The following RWDD2B variants were observed in gnomAD, a reference collection of about 807,000 sequenced individuals.
RWDD2B encodes the protein RWD domain-containing protein 2B.
In RWDD2B, 36 loss-of-function variants were observed where a neutral mutation model predicts 33.6. The observed-to-expected ratio is 1.07, with a 90% CI of 0.82 to 1.42. The LOEUF is 1.42. Among genes scored for constraint, RWDD2B ranks in the 40% most tolerant of loss-of-function variants. The pLI, the probability that RWDD2B is intolerant of heterozygous loss-of-function variation, is 0.00. For synonymous variants in RWDD2B, 126 were observed against 133.1 expected (o/e 0.95, Z 0.37); for missense variants, 364 against 377.5 (o/e 0.96, Z 0.30).
At chr21:29,019,348 CGGA>C (rs1483106488) in exon 1 of RWDD2B, 91 of 1,034,700 alleles carry the variant, frequency 8.8e-5, 1 homozygote, top group Non-Finnish European at 3.7e-5. Flanking sequence ...GGCGACCTAC[CGGA>C]AAAAAAAAAA....
intron 1 of RWDD2B, among the ~76,000 whole-genome samples, chr21:29,010,856 G>A (rs1338183505): frequency 2.6e-5 from 4 of 152,056 alleles, no homozygotes; most frequent in African/African-American, 7.2e-5. Context: ...TTTTGGTGGA[G>A]ACGGGGTTTC....
At chr21:29,007,696 A>G in intron 4 of RWDD2B, 65 bp downstream of exon 4, 1 of 1,534,570 alleles carries the variant, frequency 6.5e-7, no homozygotes, top group Non-Finnish European at 8.8e-7. Context: ...TAGGCAGCAC[A>G]TGACTGTATC....
chr21:29,010,721 G>C (rs375032636), intron 1 of RWDD2B, among the ~76,000 whole-genome samples: 1 of 150,898 alleles, frequency 6.6e-6, no homozygotes, highest in Non-Finnish European at 1.5e-5. Flanking sequence ...ATTCCGAGCC[G>C]AAGCTGGACG....
At chr21:29,009,351 C>G (rs9975270) in intron 1 of RWDD2B, among the ~76,000 whole-genome samples, 2 of 150,748 alleles carry the variant, frequency 1.3e-5, no homozygotes, top group African/African-American at 4.9e-5. Flanking sequence ...TCCCAAAGTG[C>G]TAGCATTACA....
At chr21:29,006,690 A>G in intron 4 of RWDD2B, 39 bp from the exon 5 acceptor site, 2 of 1,200,526 alleles carry the variant, frequency 1.7e-6, no homozygotes, top group Non-Finnish European at 2.4e-6. Flanking sequence ...TTCAAAATGT[A>G]TATTCTAGAG....
chr21:29,016,144 AT>A (rs1479994520), intron 1 of RWDD2B, among the ~76,000 whole-genome samples: 5 of 152,188 alleles, frequency 3.3e-5, no homozygotes, highest in African/African-American at 4.8e-5. Flanking sequence ...ATTAACATAT[AT>A]TTATTAATAT....
In RWDD2B at chr21:29,007,855, T is replaced by C; in HGVS notation, c.631A>G (p.Lys211Glu). The C allele has an allele frequency of 6.2e-7, 1 of 1,614,270 alleles. No homozygotes were observed. Among genetic ancestry groups the C allele is most frequent in the East Asian group, 2.2e-5 (1 of 44,890 alleles). The stretch of plus-strand genomic sequence containing the variant: ...CTAAACCCAGACAGGGAAAGCTCCT[T>C]TGCCCACTCTAGAATATTCTTTCTT... ...CKRKNILEWA[K>E]ELSLSGFSMP... Residue 211 changes from lysine to glutamate, a missense_variant, in exon 4 of 5, where the codon AAG becomes GAG. Lys to Glu is a moderately conservative substitution (Grantham distance 56). Coordinates refer to ENST00000493196, the MANE Select transcript of RWDD2B (RefSeq NM_016940.3).
At chr21:29,011,891 T>G (rs1601022131) in intron 1 of RWDD2B, among the ~76,000 whole-genome samples, 1 of 99,728 alleles carries the variant, frequency 1.0e-5, no homozygotes, top group Non-Finnish European at 2.1e-5. Flanking sequence ...GGGAGGGAGG[T>G]TGGGGGGTCA....
At chr21:29,012,150 C>T (rs1367684742) in intron 1 of RWDD2B, among the ~76,000 whole-genome samples, 1 of 128,436 alleles carries the variant, frequency 7.8e-6, no homozygotes, top group African/African-American at 3.1e-5. Flanking sequence ...CCAGCCGCCC[C>T]GTCCGGGAGG....
In RWDD2B at chr21:29,006,148, C is replaced by A. The variant is rs564143912; in HGVS notation, c.*269G>T. 3 of 276,320 alleles carry A rather than the reference C, an allele frequency of 1.1e-5. No individual in the cohort carries two copies. In the South Asian group the frequency reaches 2.1e-4, roughly 19 times the overall value. The allele number at this position is 276,320 out of a possible 1,614,324, so 17.1% of individuals were successfully genotyped here. On this transcript the variant is annotated 3_prime_UTR_variant, in exon 5 of 5. Transcript: ENST00000493196. ...CTGGCAAATTGGAGCACCAACATTA[C>A]CTTTATGGATAATTTCTTTTTCAAA...
intron 1 of RWDD2B, among the ~76,000 whole-genome samples, chr21:29,018,808 T>C (rs888686816): frequency 1.1e-4 from 16 of 152,134 alleles, no homozygotes; most frequent in African/African-American, 3.9e-4. Context: ...CTGGGTAACA[T>C]AGTAAGAGCT....
At chr21:29,019,044 G>T (rs1235641129) in intron 1 of RWDD2B, among the ~76,000 whole-genome samples, 167 bp downstream of exon 1, 1 of 152,166 alleles carries the variant, frequency 6.6e-6, no homozygotes, top group African/African-American at 2.4e-5. Context: ...GAGCAGGGCT[G>T]CAGAAGCCGG....
At chr21:29,016,933 C>A (rs148326197) in intron 1 of RWDD2B, among the ~76,000 whole-genome samples, 3 of 151,952 alleles carry the variant, frequency 2.0e-5, no homozygotes, top group African/African-American at 7.2e-5. Flanking sequence ...ATTTTATATG[C>A]GTGCTTGCTA....
intron 1 of RWDD2B, among the ~76,000 whole-genome samples, chr21:29,017,629 T>G (rs921059278): frequency 3.0e-4 from 45 of 151,752 alleles, no homozygotes; most frequent in Middle Eastern, 3.4e-3. Context: ...CAAAAAAGAA[T>G]TTTTGTACCC....
intron 1 of RWDD2B, among the ~76,000 whole-genome samples, chr21:29,011,614 A>AGCCGCCCC (rs2084860709): frequency 1.5e-5 from 2 of 137,674 alleles, no homozygotes; most frequent in Admixed American, 1.4e-4. Context: ...CCACCCGGCC[A>AGCCGCCCC]GCCGCCCCGT....
intron 1 of RWDD2B, among the ~76,000 whole-genome samples, chr21:29,011,665 C>A (rs1433911758): frequency 6.9e-6 from 1 of 144,460 alleles, no homozygotes; most frequent in African/African-American, 2.5e-5. Flanking sequence ...GCCCGGCCAG[C>A]CGCCCCGTCC....
At position 29,019,285 on chromosome 21, in the gene RWDD2B, G is replaced by T; in HGVS notation, c.-8C>A. On this transcript the variant is annotated 5_prime_UTR_variant, in exon 1 of 5. Transcript: ENST00000493196. ...GGACAGCTCAATTTTCATCAGAAGG[G>T]AGCCTCAAAATTCTAGCATACTGCG... is the stretch of plus-strand genomic sequence containing the variant. The T allele has an allele frequency of 6.3e-7, 1 of 1,598,434 alleles. No homozygotes were observed. The highest frequency in any genetic ancestry group is 1.1e-5 in the South Asian group (1 of 88,494).
chr21:29,012,312 C>T (rs2084868047), intron 1 of RWDD2B, among the ~76,000 whole-genome samples: 1 of 151,802 alleles, frequency 6.6e-6, no homozygotes, highest in South Asian at 2.1e-4. Flanking sequence ...ATGACAATGG[C>T]GGTTTTGTGG....
At chr21:29,018,816 G>A (rs1275418385) in intron 1 of RWDD2B, among the ~76,000 whole-genome samples, 2 of 152,122 alleles carry the variant, frequency 1.3e-5, no homozygotes, top group Non-Finnish European at 2.9e-5. Context: ...CATAGTAAGA[G>A]CTCGCCTTTA....
Sources: gnomAD v4.1 joint callset for allele counts (sites outside exome capture counted in the v4.1 genomes callset) on GRCh38, gnomAD v4.1.1 for gene constraint, MANE v1.5 for transcripts, NCBI Gene and HGNC (gene_info 2026-07-23, HGNC 2026-07-21) for gene names.